Variants in RAB31 observed in about 807,000 individuals in gnomAD.
RAB31 encodes the protein RAB31, member RAS oncogene family.
In RAB31, 21 loss-of-function variants were observed where a neutral mutation model predicts 25.6. That is an observed-to-expected ratio of 0.82 (90% CI 0.58 to 1.18). RAB31 has a LOEUF of 1.18. Among genes scored for constraint, RAB31 ranks in the 50% most tolerant of loss-of-function variants. The pLI is 0.00. For missense variants in RAB31, 196 were observed against 250.1 expected (o/e 0.78, Z 1.46); for synonymous variants, 87 against 84.0 (o/e 1.04, Z -0.20).
chr18:9,748,754 G>A (rs1028468373), intron 1 of RAB31, among the ~76,000 whole-genome samples: 2 of 152,030 alleles, frequency 1.3e-5, no homozygotes, highest in Non-Finnish European at 2.9e-5. Context: ...AGCTGGGTGT[G>A]GTGGCATGTG....
At chr18:9,770,136 G>A (rs2068336683) in intron 1 of RAB31, among the ~76,000 whole-genome samples, 1 of 152,136 alleles carries the variant, frequency 6.6e-6, no homozygotes, top group Non-Finnish European at 1.5e-5. Flanking sequence ...TCAGGGATAT[G>A]GGCCTGAAAT....
At chr18:9,824,983 C>T (rs537439346) in intron 5 of RAB31, among the ~76,000 whole-genome samples, 5 of 152,356 alleles carry the variant, frequency 3.3e-5, no homozygotes, top group Admixed American at 2.6e-4. Context: ...GCTCTTCTCC[C>T]TCCCCATGAA....
At chr18:9,838,286 T>C (rs537352741) in intron 5 of RAB31, among the ~76,000 whole-genome samples, 1 of 152,280 alleles carries the variant, frequency 6.6e-6, no homozygotes, top group East Asian at 1.9e-4. Context: ...TGCCTGTATT[T>C]ACCCTCTCAT....
At chr18:9,821,977 G>A (rs2068626514) in intron 5 of RAB31, among the ~76,000 whole-genome samples, 1 of 152,076 alleles carries the variant, frequency 6.6e-6, no homozygotes, top group Admixed American at 6.6e-5. Context: ...AATTTATATG[G>A]AAAATCACAG....
At chr18:9,828,118 G>T (rs181471284) in intron 5 of RAB31, among the ~76,000 whole-genome samples, 1 of 152,308 alleles carries the variant, frequency 6.6e-6, no homozygotes, top group East Asian at 1.9e-4. Flanking sequence ...CGAAGGCCTG[G>T]AGGTGGGAGC....
At chr18:9,784,703 C>A (rs990644914) in intron 2 of RAB31, among the ~76,000 whole-genome samples, 1 of 151,958 alleles carries the variant, frequency 6.6e-6, no homozygotes, top group African/African-American at 2.4e-5. Context: ...CAGGCACACA[C>A]CACCACACCT....
chr18:9,784,203 A>ATT (rs34471682), intron 2 of RAB31, among the ~76,000 whole-genome samples: 43,843 of 148,778 alleles, frequency 0.29, 7,541 homozygotes, highest in Middle Eastern at 0.46. Flanking sequence ...TGCCTGGCTG[A>ATT]TTTTTTTTTT....
intron 2 of RAB31, among the ~76,000 whole-genome samples, 200 bp from the exon 3 acceptor site, chr18:9,791,954 C>T (rs2068462595): frequency 1.5e-5 from 2 of 136,520 alleles, no homozygotes. Context: ...TGTTTCAAAA[C>T]CCCCAGTTGA....
intron 3 of RAB31, among the ~76,000 whole-genome samples, chr18:9,797,907 G>A (rs1010822638): frequency 6.6e-6 from 1 of 152,180 alleles, no homozygotes; most frequent in Admixed American, 6.5e-5. Context: ...TGAAATCTGC[G>A]AAAATGACTA....
intron 1 of RAB31, among the ~76,000 whole-genome samples, chr18:9,710,866 GAAAAC>G (rs1337200150): frequency 6.6e-6 from 1 of 150,882 alleles, no homozygotes; most frequent in Non-Finnish European, 1.5e-5. Context: ...TCAAAGAAAA[GAAAAC>G]AAAAGAAAAG....
At chr18:9,768,094 C>T (rs953387014) in intron 1 of RAB31, among the ~76,000 whole-genome samples, 7 of 152,134 alleles carry the variant, frequency 4.6e-5, no homozygotes, top group African/African-American at 1.7e-4. Context: ...GTACATGTGC[C>T]ACATTTTCTT....
intron 3 of RAB31, among the ~76,000 whole-genome samples, chr18:9,811,985 G>GA (rs2068574142): frequency 6.6e-6 from 1 of 152,224 alleles, no homozygotes; most frequent in South Asian, 2.1e-4. Context: ...GAGCTGGGAA[G>GA]TCCAAGATCA....
At chr18:9,808,935 C>G (rs754409985) in intron 3 of RAB31, among the ~76,000 whole-genome samples, 1 of 152,208 alleles carries the variant, frequency 6.6e-6, no homozygotes, top group African/African-American at 2.4e-5. Context: ...GTAGAATTTA[C>G]GATGCCACAA....
intron 3 of RAB31, among the ~76,000 whole-genome samples, chr18:9,811,054 A>G (rs1052324507): frequency 6.6e-6 from 1 of 152,222 alleles, no homozygotes; most frequent in African/African-American, 2.4e-5. Flanking sequence ...TGGATGCCTA[A>G]TAATTATGCC....
At position 9,823,966 on chromosome 18, in the gene RAB31, G is replaced by C. The variant is rs367922102; in HGVS notation, c.380+8744G>C. Among the ~76,000 whole-genome samples, 22 of 152,294 alleles carry C rather than the reference G, an allele frequency of 1.4e-4. No homozygotes were observed. The South Asian group carries it at 4.4e-3, about 30-fold the overall frequency. ...CGGCTTGTTGACACGTTTCTATGGT[G>C]GGGGAATCGGTTCTTGGTCAGCAAT... On this transcript the variant is annotated intron_variant, in intron 5 of 6. Coordinates refer to ENST00000578921, the MANE Select transcript of RAB31 (RefSeq NM_006868.4).
chr18:9,790,337 T>C (rs946457940), intron 2 of RAB31, among the ~76,000 whole-genome samples: 7 of 152,212 alleles, frequency 4.6e-5, no homozygotes, highest in African/African-American at 1.7e-4. Context: ...GCTGTCCTTC[T>C]GCCTCAGTCT....
In RAB31 at chr18:9,743,075, A is replaced by G. The variant is rs182610375; in HGVS notation, c.40-32203A>G. Among the ~76,000 whole-genome samples, 131 of 152,338 alleles carry G rather than the reference A, an allele frequency of 8.6e-4. 1 individual carries two copies. The Middle Eastern group carries it at 0.01, about 12-fold the overall frequency. Reference sequence around the variant, plus strand: ...CAGTGTAAACAGGCTCTGAAATGCCATTGTACCAAGGGAAATGAGGACATG... The same window carrying G: ...CAGTGTAAACAGGCTCTGAAATGCCGTTGTACCAAGGGAAATGAGGACATG... On this transcript the variant is annotated intron_variant, in intron 1 of 6. Transcript: ENST00000578921.
intron 5 of RAB31, among the ~76,000 whole-genome samples, chr18:9,831,181 G>T (rs1371693425): frequency 1.3e-5 from 2 of 152,208 alleles, no homozygotes; most frequent in Admixed American, 1.3e-4. Context: ...GCACATAGAA[G>T]TGTGGGTGTG....
chr18:9,811,749 T>C (rs763536307), intron 3 of RAB31, among the ~76,000 whole-genome samples: 1 of 152,222 alleles, frequency 6.6e-6, no homozygotes, highest in Non-Finnish European at 1.5e-5. Context: ...TATATTATCA[T>C]ATAATGATAA....
Sources: allele counts gnomAD v4.1 joint callset (sites outside exome capture counted in the v4.1 genomes callset), GRCh38; gene constraint gnomAD v4.1.1; transcripts MANE v1.5; gene names NCBI Gene and HGNC (gene_info 2026-07-23, HGNC 2026-07-21).